The following DCLK1 variants were observed in gnomAD, a reference collection of about 807,000 sequenced individuals.
The protein encoded by DCLK1 is doublecortin like kinase 1.
DCLK1 carries 16 observed loss-of-function variants against 86.2 expected under a neutral mutation model. The ratio of observed to expected loss-of-function variants is 0.19; its 90% CI spans 0.13 to 0.28. DCLK1 has a LOEUF of 0.28. Ranked by LOEUF, DCLK1 falls within the 10% of genes least tolerant of loss-of-function variation. The probability of loss-of-function intolerance (pLI) is 1.00; values close to 1 mark genes in which losing one functional copy is unlikely to be tolerated. For missense variants in DCLK1, 590 were observed against 940.2 expected, an observed-to-expected ratio of 0.63 and a Z score of 4.87; for synonymous variants, 369 against 370.5, an observed-to-expected ratio of 1.00 and a Z score of 0.05.
At chr13:35,781,644 T>A (rs766977816) in intron 16 of DCLK1, among the ~76,000 whole-genome samples, 10 of 152,220 alleles carry the variant, frequency 6.6e-5, no homozygotes, top group African/African-American at 1.4e-4. Context: ...TTTTTTGCTT[T>A]TCTTAATTTA....
At chr13:35,967,535 C>T (rs1030777995) in intron 3 of DCLK1, among the ~76,000 whole-genome samples, 3 of 152,178 alleles carry the variant, frequency 2.0e-5, no homozygotes, top group African/African-American at 4.8e-5. Context: ...CCCTCAACCC[C>T]GTGCTCTCTG....
At chr13:35,999,523 T>C (rs1358986387) in intron 3 of DCLK1, among the ~76,000 whole-genome samples, 1 of 152,188 alleles carries the variant, frequency 6.6e-6, no homozygotes, top group African/African-American at 2.4e-5. Context: ...AGAAAATCCC[T>C]GCTTCTTCCT....
At chr13:35,998,485 C>A (rs1036050022) in intron 3 of DCLK1, among the ~76,000 whole-genome samples, 7 of 152,060 alleles carry the variant, frequency 4.6e-5, no homozygotes, top group African/African-American at 1.7e-4. Flanking sequence ...CCAGCCGATG[C>A]GTCTCTACCA....
chr13:36,094,359 A>T (rs7997487), intron 3 of DCLK1, among the ~76,000 whole-genome samples: 2 of 152,190 alleles, frequency 1.3e-5, no homozygotes, highest in Non-Finnish European at 2.9e-5. Context: ...TTCACCTCCT[A>T]TATTTAACCA....
intron 3 of DCLK1, among the ~76,000 whole-genome samples, chr13:36,090,596 G>A (rs1884783601): frequency 1.3e-5 from 2 of 152,132 alleles, no homozygotes; most frequent in African/African-American, 2.4e-5. Flanking sequence ...GGTAGGAGAG[G>A]AAAGAGACAG....
At chr13:36,049,001 T>C (rs569194571) in intron 3 of DCLK1, among the ~76,000 whole-genome samples, 2 of 152,198 alleles carry the variant, frequency 1.3e-5, no homozygotes, top group Non-Finnish European at 2.9e-5. Context: ...CATGATGATT[T>C]ACCTTATCTC....
At chr13:35,860,231 G>A (rs1871302365) in intron 5 of DCLK1, among the ~76,000 whole-genome samples, 1 of 151,850 alleles carries the variant, frequency 6.6e-6, no homozygotes, top group Admixed American at 6.6e-5. Flanking sequence ...CCCTAATCAT[G>A]GTGTAGGCTG....
At chr13:35,987,736 T>C (rs1419370379) in intron 3 of DCLK1, among the ~76,000 whole-genome samples, 1 of 152,126 alleles carries the variant, frequency 6.6e-6, no homozygotes, top group East Asian at 1.9e-4. Flanking sequence ...GCGGCCACAG[T>C]GGGGGAGCCA....
At chr13:35,914,085 A>C (rs536314151) in intron 4 of DCLK1, among the ~76,000 whole-genome samples, 1 of 152,098 alleles carries the variant, frequency 6.6e-6, no homozygotes, top group African/African-American at 2.4e-5. Context: ...TGGGAGGCCG[A>C]AACAGGAGGA....
intron 3 of DCLK1, among the ~76,000 whole-genome samples, chr13:36,097,160 T>C (rs973280416): frequency 6.6e-6 from 1 of 152,090 alleles, no homozygotes; most frequent in Non-Finnish European, 1.5e-5. Context: ...GATAGAAAAA[T>C]GAGGTCAACA....
chr13:35,855,484 G>A, intron 5 of DCLK1: 2 of 1,593,312 alleles, frequency 1.3e-6, no homozygotes, highest in South Asian at 2.3e-5. Flanking sequence ...TTTCCACAAG[G>A]GAGAGCAGCA....
chr13:35,786,010 AT>A (rs2086614793), intron 16 of DCLK1, among the ~76,000 whole-genome samples: 1 of 151,854 alleles, frequency 6.6e-6, no homozygotes, highest in South Asian at 2.1e-4. Flanking sequence ...AACTATAAAC[AT>A]TGTTGTTACT....
At chr13:35,870,727 C>T (rs935993276) in intron 5 of DCLK1, among the ~76,000 whole-genome samples, 5 of 152,206 alleles carry the variant, frequency 3.3e-5, no homozygotes, top group Admixed American at 3.3e-4. Flanking sequence ...CTAGAATCCA[C>T]TGAGAGACAG....
intron 3 of DCLK1, among the ~76,000 whole-genome samples, chr13:36,109,108 G>A (rs1052384652): frequency 6.6e-6 from 1 of 152,120 alleles, no homozygotes; most frequent in African/African-American, 2.4e-5. Context: ...GTTCTCACTG[G>A]GAACCCAACG....
intron 3 of DCLK1, among the ~76,000 whole-genome samples, chr13:36,029,350 G>A (rs1195422870): frequency 6.6e-6 from 1 of 152,162 alleles, no homozygotes; most frequent in Non-Finnish European, 1.5e-5. Flanking sequence ...GTTATCCATT[G>A]GAAGTCTGTT....
chr13:35,828,978 G>T (rs1041238466), intron 8 of DCLK1, among the ~76,000 whole-genome samples: 13 of 152,158 alleles, frequency 8.5e-5, no homozygotes, highest in African/African-American at 3.1e-4. Flanking sequence ...TATGGTCAAG[G>T]TGTAAAGAAA....
intron 8 of DCLK1, among the ~76,000 whole-genome samples, chr13:35,831,171 A>G (rs1868930245): frequency 6.6e-6 from 1 of 152,186 alleles, no homozygotes; most frequent in African/African-American, 2.4e-5. Flanking sequence ...ACCTTCCATT[A>G]CATCTACTCA....
chr13:36,097,397 ATTTT>A (rs1303116567), intron 3 of DCLK1, among the ~76,000 whole-genome samples: 1 of 152,170 alleles, frequency 6.6e-6, no homozygotes, highest in East Asian at 1.9e-4. Flanking sequence ...AGCTGTAATC[ATTTT>A]TTATTTTAAA....
chr13:35,877,639 T>C (rs951067697), intron 4 of DCLK1, among the ~76,000 whole-genome samples: 1 of 152,192 alleles, frequency 6.6e-6, no homozygotes, highest in Non-Finnish European at 1.5e-5. Flanking sequence ...GGCCTCTTAA[T>C]ATATCTCAAC....
Sources: gnomAD v4.1 joint callset for allele counts (sites outside exome capture counted in the v4.1 genomes callset) on GRCh38, gnomAD v4.1.1 for gene constraint, MANE v1.5 for transcripts, NCBI Gene and HGNC (gene_info 2026-07-23, HGNC 2026-07-21) for gene names.